The following CNTLN variants were observed in gnomAD, a reference collection of about 807,000 sequenced individuals.
CNTLN encodes the protein centlein.
CNTLN carries 212 observed loss-of-function variants against 180.0 expected under a neutral mutation model. The observed-to-expected ratio is 1.18, with a 90% confidence interval of 1.05 to 1.32. The LOEUF (loss-of-function observed/expected upper bound fraction) is 1.32. Ranked by LOEUF, CNTLN falls within the 40% of genes most tolerant of loss-of-function variation. The pLI is 0.00. For synonymous variants in CNTLN, 722 were observed against 563.1 expected, an observed-to-expected ratio of 1.28 and a Z score of -3.99; for missense variants, 2,095 against 1,610.9, an observed-to-expected ratio of 1.30 and a Z score of -5.14.
intron 7 of CNTLN, chr9:17,299,236 C>G (rs1431517812): frequency 2.8e-5 from 2 of 72,256 alleles, no homozygotes; most frequent in Admixed American, 3.4e-4. Flanking sequence ...GGGGAGACAA[C>G]GTCTCAAAAA....
chr9:17,511,648 TCACACA>T, the CNTLN span, among the ~76,000 whole-genome samples: 8 of 146,686 alleles, frequency 5.5e-5, no homozygotes, highest in African/African-American at 2.0e-4. Context: ...TCTCTCTCTC[TCACACA>T]CACACACACA....
At chr9:17,385,930 T>G (rs1825652865) in intron 13 of CNTLN, among the ~76,000 whole-genome samples, 1 of 152,174 alleles carries the variant, frequency 6.6e-6, no homozygotes, top group African/African-American at 2.4e-5. Context: ...CACAAGTACC[T>G]TCTGAAGTAA....
rs557421794 is a variant in CNTLN, at chr9:17,163,909, C to T, written c.449+20533C>T. 2.6e-5 allele frequency among the ~76,000 whole-genome samples: 4 copies of T among 151,736 alleles called. No homozygotes were observed. In the East Asian group the frequency reaches 7.8e-4, roughly 29 times the overall value. On this transcript the variant is annotated intron_variant, in intron 2 of 25. Coordinates refer to ENST00000380647, the MANE Select transcript of CNTLN (RefSeq NM_017738.4). ...TGGTGCACATCTATAGTTTCAGCTA[C>T]TTGGGAGGCTGAGGTGGGAGGATAG...
At chr9:17,160,704 T>A (rs1315305230) in intron 2 of CNTLN, among the ~76,000 whole-genome samples, 3 of 152,214 alleles carry the variant, frequency 2.0e-5, no homozygotes, top group African/African-American at 7.2e-5. Flanking sequence ...GAAAATAATT[T>A]GTAAAATTCA....
At chr9:17,287,955 C>A (rs1020825062) in intron 6 of CNTLN, among the ~76,000 whole-genome samples, 4 of 144,168 alleles carry the variant, frequency 2.8e-5, no homozygotes, top group Non-Finnish European at 4.5e-5. Flanking sequence ...TTTCAAAAAA[C>A]CAGCTCCTGG....
chr9:17,308,817 CAT>C (rs1361192874), intron 7 of CNTLN, among the ~76,000 whole-genome samples: 2 of 151,526 alleles, frequency 1.3e-5, no homozygotes, highest in African/African-American at 4.8e-5. Context: ...GCCTTTTTAA[CAT>C]ATTTTCTAGT....
intron 18 of CNTLN, among the ~76,000 whole-genome samples, chr9:17,436,272 C>A (rs1452718204): frequency 6.6e-6 from 1 of 152,200 alleles, no homozygotes; most frequent in Admixed American, 6.5e-5. Context: ...CCCCTACCGT[C>A]TGAGTCAGAT....
At chr9:17,317,173 C>T (rs999094356) in intron 8 of CNTLN, among the ~76,000 whole-genome samples, 1 of 151,754 alleles carries the variant, frequency 6.6e-6, no homozygotes, top group South Asian at 2.1e-4. Flanking sequence ...GTTTGAAAAT[C>T]GTGTGAATGA....
chr9:17,136,427 T>A (rs1445442437), intron 1 of CNTLN, among the ~76,000 whole-genome samples: 1 of 152,232 alleles, frequency 6.6e-6, no homozygotes, highest in Non-Finnish European at 1.5e-5. Flanking sequence ...CCTCCCGGGT[T>A]CACGCCATTC....
At chr9:17,294,726 G>A (rs1017280335) in intron 6 of CNTLN, among the ~76,000 whole-genome samples, 1 of 135,840 alleles carries the variant, frequency 7.4e-6, no homozygotes, top group Non-Finnish European at 1.6e-5. Flanking sequence ...GGAGCAGGGG[G>A]CAGAGCTCGT....
chr9:17,319,635 A>C (rs1437422532), intron 8 of CNTLN, among the ~76,000 whole-genome samples: 3 of 152,112 alleles, frequency 2.0e-5, no homozygotes. Flanking sequence ...TTCTCTGTCA[A>C]CTCAGTTTCA....
At chr9:17,307,423 C>T (rs1314104087) in intron 7 of CNTLN, among the ~76,000 whole-genome samples, 2 of 152,000 alleles carry the variant, frequency 1.3e-5, no homozygotes, top group Non-Finnish European at 2.9e-5. Context: ...TGCATGCTAC[C>T]ACGCCTGGGT....
Position 17,386,447 on chromosome 9 carries a change from T to C in CNTLN, c.1988-1715T>C, listed in dbSNP as rs567713871. Among the ~76,000 whole-genome samples the C allele has an allele frequency of 2.9e-4, 44 of 152,350 alleles. 1 individual carries two copies. Among genetic ancestry groups the C allele is most frequent in the African/African-American group, 9.9e-4 (41 of 41,580 alleles). On this transcript the variant is annotated intron_variant, in intron 13 of 25. Transcript: ENST00000380647. ...AATAAATCTCCAGTAAAGTGAAGCA[T>C]ATGCTCACATCTACCATAGGAAAGA...
At chr9:17,523,852 C>A in the CNTLN span, among the ~76,000 whole-genome samples, 1 of 152,162 alleles carries the variant, frequency 6.6e-6, no homozygotes, top group Non-Finnish European at 1.5e-5. Flanking sequence ...AAAGCTTTTG[C>A]GTTAAGGAGC....
At chr9:17,475,685 A>C (rs1278700560) in intron 23 of CNTLN, among the ~76,000 whole-genome samples, 1 of 152,112 alleles carries the variant, frequency 6.6e-6, no homozygotes, top group Non-Finnish European at 1.5e-5. Flanking sequence ...ATCCTGGCTA[A>C]CATGGTGAAA....
chr9:17,517,323 C>G, the CNTLN span, among the ~76,000 whole-genome samples: 3 of 150,820 alleles, frequency 2.0e-5, no homozygotes, highest in African/African-American at 7.3e-5. Flanking sequence ...ACCCAGGAGG[C>G]GGAGCTTGCA....
chr9:17,338,148 CTTCT>C (rs879561401), intron 10 of CNTLN, among the ~76,000 whole-genome samples: 14 of 144,192 alleles, frequency 9.7e-5, no homozygotes, highest in Non-Finnish European at 2.1e-4. Flanking sequence ...TTCCTTCCTT[CTTCT>C]TTCTTTCTTT....
chr9:17,277,667 A>T (rs1828396888), intron 6 of CNTLN, among the ~76,000 whole-genome samples: 1 of 152,118 alleles, frequency 6.6e-6, no homozygotes, highest in Admixed American at 6.6e-5. Flanking sequence ...TTAAACTAAT[A>T]AGTTTATCAT....
At chr9:17,183,714 T>A (rs1563857633) in intron 2 of CNTLN, among the ~76,000 whole-genome samples, 3 of 152,062 alleles carry the variant, frequency 2.0e-5, no homozygotes, top group Non-Finnish European at 2.9e-5. Flanking sequence ...TATAATTATA[T>A]ATAAACAATG....
Sources: gnomAD v4.1 joint callset for allele counts (sites outside exome capture counted in the v4.1 genomes callset) on GRCh38, gnomAD v4.1.1 for gene constraint, MANE v1.5 for transcripts, NCBI Gene and HGNC (gene_info 2026-07-23, HGNC 2026-07-21) for gene names.